FBLN7: variants seen among roughly 807,000 people sequenced by gnomAD.
The protein encoded by FBLN7 is fibulin 7.
A neutral mutation model predicts 44.0 loss-of-function variants in FBLN7; 31 were observed. The ratio of observed to expected loss-of-function variants is 0.70; its 90% CI spans 0.53 to 0.95. The LOEUF (loss-of-function observed/expected upper bound fraction) is 0.95, where lower values mean the gene tolerates loss of function less well. Among genes scored for constraint, FBLN7 ranks in the 40% least tolerant of loss-of-function variants. The probability of loss-of-function intolerance (pLI) is 0.00; values close to 1 mark genes in which losing one functional copy is unlikely to be tolerated. For synonymous variants in FBLN7, 262 were observed against 253.4 expected (o/e 1.03, Z -0.32); for missense variants, 573 against 618.5 (o/e 0.93, Z 0.78).
At chr2:112,182,208 G>A (rs1683037861) in intron 5 of FBLN7, among the ~76,000 whole-genome samples, 1 of 152,196 alleles carries the variant, frequency 6.6e-6, no homozygotes, top group Admixed American at 6.5e-5. Context: ...TTAAATCGCC[G>A]TGTTGGTAGA....
At chr2:112,172,012 G>T (rs554938236) in intron 3 of FBLN7, among the ~76,000 whole-genome samples, 1 of 152,162 alleles carries the variant, frequency 6.6e-6, no homozygotes, top group Non-Finnish European at 1.5e-5. Context: ...CTCCCAAAGT[G>T]CTAGGATTAC....
At chr2:112,196,618 G>C in the FBLN7 span, among the ~76,000 whole-genome samples, 2 of 151,982 alleles carry the variant, frequency 1.3e-5, no homozygotes, top group African/African-American at 4.8e-5. Context: ...TGTATCAAAG[G>C]TTAGAATATC....
the FBLN7 span, among the ~76,000 whole-genome samples, chr2:112,204,333 T>C: frequency 6.7e-6 from 1 of 149,612 alleles, no homozygotes. Context: ...CCATCAAGCA[T>C]ATCAATATAT....
the FBLN7 span, among the ~76,000 whole-genome samples, chr2:112,237,246 T>C: frequency 2.6e-5 from 4 of 152,112 alleles, no homozygotes; most frequent in Admixed American, 6.5e-5. Flanking sequence ...ATATAAGGTA[T>C]TGTCAAGAAA....
At chr2:112,209,967 A>G in the FBLN7 span, among the ~76,000 whole-genome samples, 1 of 151,940 alleles carries the variant, frequency 6.6e-6, no homozygotes, top group Non-Finnish European at 1.5e-5. Flanking sequence ...AAGTGGAATG[A>G]GAGATGTTTG....
chr2:112,199,634 T>C, the FBLN7 span, among the ~76,000 whole-genome samples: 2 of 152,224 alleles, frequency 1.3e-5, no homozygotes, highest in Non-Finnish European at 2.9e-5. Flanking sequence ...AATTCCCTCC[T>C]GTTAAGATGT....
At chr2:112,191,636 T>C (rs1386340169), downstream of FBLN7, among the ~76,000 whole-genome samples, 2 of 152,138 alleles carry the variant, frequency 1.3e-5, no homozygotes, top group African/African-American at 4.8e-5. Context: ...TAAAAACAGC[T>C]AAAATCATTT....
chr2:112,159,779 G>T lies in FBLN7; in HGVS notation c.179G>T (p.Ser60Ile). ...GCCGAGGGCATCCGCCACATGAAGA[G>T]CCGGCTGGCCGCGCTGCAGAACTCT... Reference protein sequence around the residue: ...RFAEGIRHMKSRLAALQNSVG... With the variant: ...RFAEGIRHMKIRLAALQNSVG... Residue 60 changes from serine to isoleucine, a missense_variant, in exon 2 of 8, where the codon AGC (serine) becomes ATC (isoleucine). By Grantham distance (142) the Ser-to-Ile change is moderately radical. Transcript: ENST00000331203. The T allele has an allele frequency of 1.2e-6, 2 of 1,600,730 alleles. No individual in the cohort carries two copies. Among genetic ancestry groups the T allele is most frequent in the Non-Finnish European group, 1.7e-6 (2 of 1,174,226 alleles).
chr2:112,149,929 G>A (rs1034081385), intron 1 of FBLN7, among the ~76,000 whole-genome samples: 1 of 152,224 alleles, frequency 6.6e-6, no homozygotes, highest in Non-Finnish European at 1.5e-5. Context: ...AGGCAGCCTC[G>A]ATGGGAAGTG....
the FBLN7 span, chr2:112,211,429 A>G: frequency 6.6e-6 from 1 of 152,358 alleles, no homozygotes; most frequent in East Asian, 1.9e-4. Context: ...CTCTGCCTAC[A>G]GAAAGGAGAG....
chr2:112,234,805 G>GAA, the FBLN7 span, among the ~76,000 whole-genome samples: 2 of 134,926 alleles, frequency 1.5e-5, no homozygotes, highest in African/African-American at 5.4e-5. Context: ...ATCTCAGGGA[G>GAA]AAAAAAAAAA....
the FBLN7 span, among the ~76,000 whole-genome samples, chr2:112,229,598 A>G: frequency 6.6e-6 from 1 of 152,230 alleles, no homozygotes; most frequent in East Asian, 1.9e-4. Flanking sequence ...GAACTGACCC[A>G]GCAGATCTGC....
intron 1 of FBLN7, among the ~76,000 whole-genome samples, chr2:112,142,170 C>T (rs985425772): frequency 6.6e-6 from 1 of 152,128 alleles, no homozygotes; most frequent in African/African-American, 2.4e-5. Flanking sequence ...AAAGGAGGCC[C>T]CAGGGCCTGG....
intron 7 of FBLN7, among the ~76,000 whole-genome samples, 177 bp downstream of exon 7, chr2:112,185,516 G>A (rs1016932146): frequency 6.6e-6 from 1 of 152,146 alleles, no homozygotes. Context: ...CATTTAATGC[G>A]TTGCTGCTCT....
intron 1 of FBLN7, among the ~76,000 whole-genome samples, chr2:112,156,843 G>A (rs1240461610): frequency 1.3e-5 from 2 of 152,140 alleles, no homozygotes; most frequent in African/African-American, 4.8e-5. Flanking sequence ...CATCTGTTTG[G>A]TGAAATCTCC....
chr2:112,162,248 G>A (rs963539763), intron 2 of FBLN7, among the ~76,000 whole-genome samples: 1 of 151,742 alleles, frequency 6.6e-6, no homozygotes, highest in East Asian at 1.9e-4. Flanking sequence ...AGGCTCAAGC[G>A]ATCCTCCAGC....
chr2:112,212,988 T>TTTTTTTTTTTTTTTTC, the FBLN7 span: 1 of 115,568 alleles, frequency 8.7e-6, no homozygotes, highest in South Asian at 2.6e-4. Context: ...TTTTTTTTTT[T>TTTTTTTTTTTTTTTTC]ATAAGAGACA....
chr2:112,200,394 A>G, the FBLN7 span, among the ~76,000 whole-genome samples: 1 of 152,116 alleles, frequency 6.6e-6, no homozygotes, highest in Non-Finnish European at 1.5e-5. Context: ...ATGCATAGGG[A>G]ATCACTAGCT....
At chr2:112,201,026 C>T in the FBLN7 span, among the ~76,000 whole-genome samples, 1 of 152,152 alleles carries the variant, frequency 6.6e-6, no homozygotes, top group East Asian at 1.9e-4. Context: ...ACACTAAATG[C>T]CCTTCCACAG....
Sources: gnomAD v4.1 joint callset for allele counts (sites outside exome capture counted in the v4.1 genomes callset) on GRCh38, gnomAD v4.1.1 for gene constraint, MANE v1.5 for transcripts, NCBI Gene and HGNC (gene_info 2026-07-23, HGNC 2026-07-21) for gene names.